The following OR9G1 variants were observed in gnomAD, a reference collection of about 807,000 sequenced individuals.
The protein encoded by OR9G1 is olfactory receptor family 9 subfamily G member 1.
OR9G1 carries 21 observed loss-of-function variants against 14.5 expected under a neutral mutation model. That is an observed-to-expected ratio of 1.45 (90% CI 1.03 to 2.09). OR9G1 has a LOEUF of 2.09. OR9G1 is among the 30% of genes most tolerant of loss of function. The probability of loss-of-function intolerance (pLI) is 0.00; values close to 1 mark genes in which losing one functional copy is unlikely to be tolerated. For synonymous variants in OR9G1, 179 were observed against 153.3 expected, an observed-to-expected ratio of 1.17 and a Z score of -1.24; for missense variants, 476 against 364.2, an observed-to-expected ratio of 1.31 and a Z score of -2.50.
At chr11:56,700,172 A>T (rs1254839840) in intron 1 of OR9G1, among the ~76,000 whole-genome samples, 198 bp from the exon 2 acceptor site, 27 of 152,304 alleles carry the variant, frequency 1.8e-4, no homozygotes, top group Non-Finnish European at 3.4e-4. Flanking sequence ...AAGGAAAAAC[A>T]TAATTAAACA....
chr11:56,703,394 A>C lies in OR9G1; in HGVS notation c.*2089A>C, dbSNP rs1857677177. The C allele has an allele frequency of 7.4e-6, 1 of 135,180 alleles. No homozygotes were observed. The highest frequency in any genetic ancestry group is 2.8e-5 in the African/African-American group (1 of 36,220). The allele number at this position is 135,180 out of a possible 1,614,324, so 8.4% of individuals were successfully genotyped here. On this transcript the variant is annotated 3_prime_UTR_variant, in exon 2 of 2. Coordinates refer to ENST00000642097, the MANE Select transcript of OR9G1 (RefSeq NM_001005213.2). Reference sequence around the variant, plus strand: ...AGTGTAATTCCAAGATGCTCGTGTCAGCCGTTCTAAAAAGGAACGCTATAT... The same window carrying C: ...AGTGTAATTCCAAGATGCTCGTGTCCGCCGTTCTAAAAAGGAACGCTATAT...
Position 56,702,800 on chromosome 11 carries a change from T to A in OR9G1, c.*1495T>A, listed in dbSNP as rs1857664006. On this transcript the variant is annotated 3_prime_UTR_variant, in exon 2 of 2. Transcript: ENST00000642097. ...GAAGTGTTGATCAAAGGGTACAAAG[T>A]TTCATGTAGGCAGGAGGAATAAGTT... The A allele has an allele frequency of 6.6e-6, 1 of 152,416 alleles. No individual in the cohort carries two copies. The highest frequency in any genetic ancestry group is 2.1e-4 in the South Asian group (1 of 4,840). The allele number at this position is 152,416 out of a possible 1,614,324, so 9.4% of individuals were successfully genotyped here.
chr11:56,701,319 C>T lies in OR9G1; in HGVS notation c.*14C>T. On this transcript the variant is annotated 3_prime_UTR_variant, in exon 2 of 2. Transcript: ENST00000642097. Reference sequence around the variant, plus strand: ...CTTCTCCCATAAATCAAGATTATCTCCACCAGAGGAGAAACAAAGACGACC... The same window carrying T: ...CTTCTCCCATAAATCAAGATTATCTTCACCAGAGGAGAAACAAAGACGACC... 1.3e-6 allele frequency: 2 copies of T among 1,582,660 alleles called. No homozygotes were observed. The highest frequency in any genetic ancestry group is 3.6e-5 in the Admixed American group (2 of 54,996).
In OR9G1 at chr11:56,700,940, G is replaced by C. The variant is rs11228735; in HGVS notation, c.553G>C (p.Glu185Gln). The C allele has an allele frequency of 3.1e-6, 5 of 1,609,668 alleles. No individual in the cohort carries two copies. In the East Asian group the frequency reaches 1.1e-4, roughly 36 times the overall value. ...DFFCDLLPLVELACGEKGGYK... is the reference protein window; with the variant it reads ...DFFCDLLPLVQLACGEKGGYK... ...TTTCTGTGATTTGCTTCCCTTGGTGGAGCTGGCCTGTGGCGAGAAGGGCGG... is the reference window on the plus strand; with the variant it reads ...TTTCTGTGATTTGCTTCCCTTGGTGCAGCTGGCCTGTGGCGAGAAGGGCGG... Residue 185 changes from glutamate to glutamine, a missense_variant, in exon 2 of 2, where the codon GAG (glutamate) becomes CAG (glutamine). This residue lies in a region of OR9G1 where 352 missense variants were observed against 211.6 expected (regional missense o/e 1.66). Coordinates refer to ENST00000642097, the MANE Select transcript of OR9G1 (RefSeq NM_001005213.2).
Position 56,700,372 on chromosome 11 carries a change from G to C in OR9G1, c.-16G>C. The C allele has an allele frequency of 1.2e-6, 2 of 1,613,658 alleles. No homozygotes were observed. Among genetic ancestry groups the C allele is most frequent in the Admixed American group, 3.3e-5 (2 of 60,002 alleles). ...GAGCTCATTTTCTTTCCCCATAGGT[G>C]AGATTCCTTACAGCCATGCAGAGGA... On this transcript the variant is annotated splice_region_variant and 5_prime_UTR_variant, in exon 2 of 2. Transcript: ENST00000642097.
In OR9G1 at chr11:56,701,416, C is replaced by T. The variant is rs904751352; in HGVS notation, c.*111C>T. 1.1e-5 allele frequency: 15 copies of T among 1,419,444 alleles called. No individual in the cohort carries two copies. In the Admixed American group the frequency reaches 1.8e-4, roughly 17 times the overall value. The allele number at this position is 1,419,444 out of a possible 1,614,324, so 87.9% of individuals were successfully genotyped here. ...ATCGTGATCAGTCCCCTTCTTGACA[C>T]GTGAGAGTTACAGACATGTACAATA... On this transcript the variant is annotated 3_prime_UTR_variant, in exon 2 of 2. Transcript: ENST00000642097.
intron 1 of OR9G1, 26 bp from the exon 2 acceptor site, chr11:56,700,344 A>G: frequency 6.2e-7 from 1 of 1,607,596 alleles, no homozygotes; most frequent in Non-Finnish European, 8.5e-7. Context: ...AGTAATGCAA[A>G]CTGAGCTCAT....
In OR9G1 at chr11:56,701,126, G is replaced by A. The variant is rs139444966; in HGVS notation, c.739G>A (p.Val247Ile). The A allele has an allele frequency of 5.0e-4, 812 of 1,610,842 alleles. No individual in the cohort carries two copies. The highest frequency in any genetic ancestry group is 6.2e-4 in the Non-Finnish European group (730 of 1,176,792). ...CACATGCTCCTCCCACCTGACCTCTGTCACTTTATACTATGGCTCCATTCT... is the reference window on the plus strand; with the variant it reads ...CACATGCTCCTCCCACCTGACCTCTATCACTTTATACTATGGCTCCATTCT... ...FSTCSSHLTS[V>I]TLYYGSILYI... The change falls in exon 2 of 2, where the codon GTC (valine) becomes ATC (isoleucine). Residue 247 changes from valine (V) to isoleucine (I), a missense_variant. Physicochemically the swap from Val to Ile is conservative, Grantham distance 29 (BLOSUM62 3). Transcript: ENST00000642097.
At position 56,700,997 on chromosome 11, in the gene OR9G1, T is replaced by A; in HGVS notation, c.610T>A (p.Ser204Thr). 6.2e-7 allele frequency: 1 copy of A among 1,614,268 alleles called. No homozygotes were observed. Among genetic ancestry groups the A allele is most frequent in the East Asian group, 2.2e-5 (1 of 44,896 alleles). Residue 204 changes from serine (S) to threonine (T), a missense_variant, in exon 2 of 2, where the codon TCC becomes ACC. Coordinates refer to ENST00000642097, the MANE Select transcript of OR9G1 (RefSeq NM_001005213.2). The part of the protein sequence containing the change: ...YKIMMYFLLA[S>T]NVICPAVLIL... ...AATTATGATGTACTTCCTGCTGGCC[T>A]CCAATGTCATCTGCCCCGCAGTGCT...
chr11:56,700,353 A>T lies in OR9G1; in HGVS notation c.-18-17A>T, dbSNP rs1379238394. The T allele has an allele frequency of 1.2e-6, 2 of 1,610,232 alleles. No individual in the cohort carries two copies. The highest frequency in any genetic ancestry group is 1.1e-5 in the South Asian group (1 of 90,604). On this transcript the variant is annotated splice_polypyrimidine_tract_variant and intron_variant, in intron 1 of 1. Coordinates refer to ENST00000642097, the MANE Select transcript of OR9G1 (RefSeq NM_001005213.2). ...CATGACAGTAATGCAAACTGAGCTC[A>T]TTTTCTTTCCCCATAGGTGAGATTC...
At position 56,702,617 on chromosome 11, in the gene OR9G1, G is replaced by A. The variant is rs150192176; in HGVS notation, c.*1312G>A. ...ATATAATGCATAATGTATAATATAC[G>A]AAGTGATATTTCATTATGATAAGTG... On this transcript the variant is annotated 3_prime_UTR_variant, in exon 2 of 2. Transcript: ENST00000642097. 12 of 69,526 alleles carry A rather than the reference G, an allele frequency of 1.7e-4. No homozygotes were observed. The highest frequency in any genetic ancestry group is 3.1e-4 in the Non-Finnish European group (10 of 32,510). The allele number at this position is 69,526 out of a possible 1,614,324, so 4.3% of individuals were successfully genotyped here. A position where few individuals can be genotyped will look rare whatever the true frequency, so the allele number is the denominator to read the frequency against.
Position 56,701,106 on chromosome 11 carries a change from G to C in OR9G1, c.719G>C (p.Cys240Ser), listed in dbSNP as rs1437044615. 6.2e-7 allele frequency: 1 copy of C among 1,614,304 alleles called. No homozygotes were observed. The highest frequency in any genetic ancestry group is 1.7e-5 in the Admixed American group (1 of 60,036). Residue 240 changes from cysteine to serine, a missense_variant, in exon 2 of 2, where the codon TGC becomes TCC. By Grantham distance (112) the Cys-to-Ser change is moderately radical. Around this residue, in one of 3 missense-constraint regions of OR9G1, gnomAD observed 352 missense variants for 211.6 expected, o/e 1.66. Transcript: ENST00000642097. ...SKGYLKAFST[C>S]SSHLTSVTLY... ...GGCTACCTCAAAGCCTTCTCCACAT[G>C]CTCCTCCCACCTGACCTCTGTCACT...
rs1857619298 is a variant in OR9G1 at position 56,701,040 on chromosome 11, T to A, written c.653T>A (p.Leu218His). 6.2e-7 allele frequency: 1 copy of A among 1,614,280 alleles called. No individual in the cohort carries two copies. Among genetic ancestry groups the A allele is most frequent in the Non-Finnish European group, 8.5e-7 (1 of 1,180,026 alleles). ...CPAVLILASYLFIITSVLRIS... is the reference protein window; with the variant it reads ...CPAVLILASYHFIITSVLRIS... ...GCAGTGCTCATCCTGGCCTCCTACC[T>A]CTTTATCATCACCAGTGTCTTGAGG... Residue 218 changes from leucine (L) to histidine (H), a missense_variant, in exon 2 of 2, where the codon CTC (leucine) becomes CAC (histidine). Leu to His is a moderately conservative substitution (Grantham distance 99). This residue lies in a region of OR9G1 where 352 missense variants were observed against 211.6 expected (regional missense o/e 1.66). Coordinates refer to ENST00000642097, the MANE Select transcript of OR9G1 (RefSeq NM_001005213.2).
rs544259482 is a variant in OR9G1 at position 56,703,663 on chromosome 11, C to T, written c.*2358C>T. Reference sequence around the variant, plus strand: ...TGTGACACATCTAATCTTAAAACACCGTGGTATCATAAACCCTGACATGTA... The same window carrying T: ...TGTGACACATCTAATCTTAAAACACTGTGGTATCATAAACCCTGACATGTA... On this transcript the variant is annotated 3_prime_UTR_variant, in exon 2 of 2. Transcript: ENST00000642097. 9.8e-5 allele frequency: 15 copies of T among 152,404 alleles called. No homozygotes were observed. The highest frequency in any genetic ancestry group is 3.4e-4 in the African/African-American group (14 of 41,588). The allele number at this position is 152,404 out of a possible 1,614,324, so 9.4% of individuals were successfully genotyped here. A position where few individuals can be genotyped will look rare whatever the true frequency, so the allele number is the denominator to read the frequency against.
chr11:56,703,596 A>G lies in OR9G1; in HGVS notation c.*2291A>G, dbSNP rs561872562. 2 of 152,428 alleles carry G rather than the reference A, an allele frequency of 1.3e-5. No homozygotes were observed. The highest frequency in any genetic ancestry group is 1.3e-4 in the Admixed American group (2 of 15,312). 9.4% of individuals were successfully genotyped at this position (152,428 alleles called of 1,614,324 possible). On this transcript the variant is annotated 3_prime_UTR_variant, in exon 2 of 2. Transcript: ENST00000642097. The stretch of plus-strand genomic sequence containing the variant: ...TTTCTTGACCGAAACTAGAAAGTAC[A>G]TCATTCCAGAGGGAAGCATCAATTG...
chr11:56,700,015 C>T (rs1471717075), intron 1 of OR9G1, among the ~76,000 whole-genome samples: 1 of 152,296 alleles, frequency 6.6e-6, no homozygotes, highest in Non-Finnish European at 1.5e-5. Flanking sequence ...GAGGGATGCC[C>T]AGTATTTTAA....
Position 56,701,485 on chromosome 11 carries a change from G to A in OR9G1, c.*180G>A. 3.4e-6 allele frequency: 3 copies of A among 889,818 alleles called. No individual in the cohort carries two copies. Among genetic ancestry groups the A allele is most frequent in the Non-Finnish European group, 4.8e-6 (3 of 623,882 alleles). The allele number at this position is 889,818 out of a possible 1,614,324, so 55.1% of individuals were successfully genotyped here. A position where few individuals can be genotyped will look rare whatever the true frequency, so the allele number is the denominator to read the frequency against. On this transcript the variant is annotated 3_prime_UTR_variant, in exon 2 of 2. Coordinates refer to ENST00000642097, the MANE Select transcript of OR9G1 (RefSeq NM_001005213.2). ...CGGACAAAAACATCTGAATATATAA[G>A]AATTTGAATTGAATTTCCTATCTCT...
rs146236029 is a variant in OR9G1 at position 56,701,064 on chromosome 11, G to A, written c.677G>A (p.Arg226Lys). ...SYLFIITSVL[R>K]ISSSKGYLKA... ...CTCTTTATCATCACCAGTGTCTTGA[G>A]GATCTCCTCCTCCAAGGGCTACCTC... The change falls in exon 2 of 2, where the codon AGG becomes AAG. Residue 226 changes from arginine (R) to lysine (K), a missense_variant. Coordinates refer to ENST00000642097, the MANE Select transcript of OR9G1 (RefSeq NM_001005213.2). The A allele has an allele frequency of 3.8e-5, 61 of 1,614,192 alleles. No homozygotes were observed. Among genetic ancestry groups the A allele is most frequent in the Non-Finnish European group, 4.8e-5 (57 of 1,180,064 alleles).
Position 56,701,527 on chromosome 11 carries a change from A to C in OR9G1, c.*222A>C. ...CCTATCTCTCTTATTAAAAACAAAC[A>C]TAAACCTTAAGCCCAAAACCTCTCC... On this transcript the variant is annotated 3_prime_UTR_variant, in exon 2 of 2. Coordinates refer to ENST00000642097, the MANE Select transcript of OR9G1 (RefSeq NM_001005213.2). The C allele has an allele frequency of 2.7e-6, 2 of 738,950 alleles. No individual in the cohort carries two copies. Among genetic ancestry groups the C allele is most frequent in the South Asian group, 2.5e-5 (1 of 40,294 alleles). The allele number at this position is 738,950 out of a possible 1,614,324, so 45.8% of individuals were successfully genotyped here. A position where few individuals can be genotyped will look rare whatever the true frequency, so the allele number is the denominator to read the frequency against.
Sources: allele counts gnomAD v4.1 joint callset (sites outside exome capture counted in the v4.1 genomes callset), GRCh38; gene constraint gnomAD v4.1.1; regional missense constraint gnomAD v4.1.1; transcripts MANE v1.5; gene names NCBI Gene and HGNC (gene_info 2026-07-23, HGNC 2026-07-21).